Variants in CBFB observed in about 807,000 individuals in gnomAD.
CBFB encodes core-binding factor subunit beta.
In CBFB, 9 loss-of-function variants were observed where a neutral mutation model predicts 30.4. The ratio of observed to expected loss-of-function variants is 0.30; its 90% confidence interval spans 0.18 to 0.52. The LOEUF is 0.52. Among genes scored for constraint, CBFB ranks in the 20% least tolerant of loss-of-function variants. The pLI is 0.97. For synonymous variants in CBFB, 94 were observed against 84.0 expected, an observed-to-expected ratio of 1.12 and a Z score of -0.65; for missense variants, 170 against 244.0, an observed-to-expected ratio of 0.70 and a Z score of 2.02.
At position 67,096,326 on chromosome 16, in the gene CBFB, T is replaced by C. The variant is rs192898937; in HGVS notation, c.496-2384T>C. ...ACTCTGTCTCAAAAAAAAAAAATAATAATAATTAGTTAATTCATGGAAAGT... is the reference window on the plus strand; with the variant it reads ...ACTCTGTCTCAAAAAAAAAAAATAACAATAATTAGTTAATTCATGGAAAGT... On this transcript the variant is annotated intron_variant, in intron 5 of 5. Coordinates refer to ENST00000412916, the MANE Select transcript of CBFB (RefSeq NM_022845.3). Among the ~76,000 whole-genome samples, 252 of 151,762 alleles carry C rather than the reference T, an allele frequency of 1.7e-3. 2 individuals are homozygous for C. The highest frequency in any genetic ancestry group is 5.9e-3 in the African/African-American group (245 of 41,422).
chr16:67,029,877 C>G (rs1966304018), intron 2 of CBFB, 64 bp downstream of exon 2: 4 of 1,100,346 alleles, frequency 3.6e-6, no homozygotes, highest in Non-Finnish European at 3.7e-6. Flanking sequence ...CGGCCCAGGC[C>G]GGTTCCGGAC....
intron 4 of CBFB, among the ~76,000 whole-genome samples, chr16:67,077,553 T>A (rs1597152321): frequency 6.6e-6 from 1 of 152,210 alleles, no homozygotes; most frequent in African/African-American, 2.4e-5. Flanking sequence ...TTCAGCAGAT[T>A]TATTTATTTT....
At chr16:67,063,039 G>A (rs990167282) in intron 3 of CBFB, among the ~76,000 whole-genome samples, 2 of 152,136 alleles carry the variant, frequency 1.3e-5, no homozygotes, top group Non-Finnish European at 2.9e-5. Context: ...TAAGATTAAT[G>A]AAGATTTCTG....
intron 3 of CBFB, among the ~76,000 whole-genome samples, chr16:67,058,467 T>C (rs1371633486): frequency 1.3e-5 from 2 of 152,132 alleles, no homozygotes; most frequent in Non-Finnish European, 2.9e-5. Context: ...TATATTCAGC[T>C]CTTCCTCATT....
chr16:67,059,307 T>C (rs1301893202), intron 3 of CBFB, among the ~76,000 whole-genome samples: 1 of 152,200 alleles, frequency 6.6e-6, no homozygotes, highest in African/African-American at 2.4e-5. Flanking sequence ...ATTTAGCTAC[T>C]TAAGTTTGGT....
chr16:67,075,197 ATGT>A (rs1961353821), intron 4 of CBFB, among the ~76,000 whole-genome samples: 1 of 142,766 alleles, frequency 7.0e-6, no homozygotes, highest in African/African-American at 2.6e-5. Flanking sequence ...CTCAAAAAAA[ATGT>A]GTGTGTGTGT....
intron 5 of CBFB, among the ~76,000 whole-genome samples, chr16:67,086,981 C>G (rs2145777566): frequency 6.6e-6 from 1 of 151,994 alleles, no homozygotes; most frequent in East Asian, 1.9e-4. Flanking sequence ...TGTGTTTTGC[C>G]AGCTGTTCAA....
At chr16:67,093,137 A>G (rs1253175733) in intron 5 of CBFB, among the ~76,000 whole-genome samples, 1 of 152,114 alleles carries the variant, frequency 6.6e-6, no homozygotes, top group Admixed American at 6.6e-5. Flanking sequence ...TTGTAGGGGC[A>G]GGATCTCACT....
intron 2 of CBFB, among the ~76,000 whole-genome samples, chr16:67,035,316 C>G (rs1192312148): frequency 6.6e-6 from 1 of 152,184 alleles, no homozygotes; most frequent in Non-Finnish European, 1.5e-5. Context: ...TACTCCTGAC[C>G]TCAGATGGTC....
intron 5 of CBFB, 130 bp downstream of exon 5, chr16:67,082,438 C>T (rs1462777785): frequency 4.4e-6 from 5 of 1,140,858 alleles, no homozygotes; most frequent in East Asian, 5.0e-5. Context: ...AAAAGTTGTA[C>T]TCTCTGGCTT....
At chr16:67,084,222 C>CTAA (rs1567622874) in intron 5 of CBFB, among the ~76,000 whole-genome samples, 1 of 113,508 alleles carries the variant, frequency 8.8e-6, no homozygotes, top group East Asian at 2.6e-4. Context: ...AAGATAAGAA[C>CTAA]TAATGTGTTT....
At chr16:67,039,168 G>T (rs972879062) in intron 3 of CBFB, among the ~76,000 whole-genome samples, 2 of 152,112 alleles carry the variant, frequency 1.3e-5, no homozygotes, top group Non-Finnish European at 2.9e-5. Flanking sequence ...TACACACTTA[G>T]GCTATCTGGT....
chr16:67,098,203 T>G (rs536853599), intron 5 of CBFB, among the ~76,000 whole-genome samples: 1 of 152,300 alleles, frequency 6.6e-6, no homozygotes, highest in Admixed American at 6.5e-5. Flanking sequence ...TGGTGCGATC[T>G]CAGCTCACGG....
intron 4 of CBFB, among the ~76,000 whole-genome samples, chr16:67,073,114 G>A (rs1286153795): frequency 1.3e-5 from 2 of 152,162 alleles, no homozygotes; most frequent in African/African-American, 4.8e-5. Context: ...TTGAGTGTCT[G>A]TAAACTACGT....
chr16:67,089,053 C>T (rs1961809206), intron 5 of CBFB, among the ~76,000 whole-genome samples: 1 of 152,088 alleles, frequency 6.6e-6, no homozygotes, highest in Non-Finnish European at 1.5e-5. Context: ...TTAGTGTTTT[C>T]TTTTTCTCAT....
intron 4 of CBFB, among the ~76,000 whole-genome samples, chr16:67,067,770 G>T (rs1252975231): frequency 3.9e-5 from 6 of 152,186 alleles, no homozygotes; most frequent in African/African-American, 1.4e-4. Flanking sequence ...CAGGCATATT[G>T]TTTAAAATGA....
chr16:67,070,805 C>G (rs922026091), intron 4 of CBFB, among the ~76,000 whole-genome samples: 1 of 151,508 alleles, frequency 6.6e-6, no homozygotes, highest in East Asian at 1.9e-4. Flanking sequence ...GAGCCGAGAT[C>G]ACACCACTGC....
chr16:67,047,768 C>T (rs2145726718), intron 3 of CBFB, among the ~76,000 whole-genome samples: 1 of 152,198 alleles, frequency 6.6e-6, no homozygotes, highest in African/African-American at 2.4e-5. Context: ...CAGAACATTT[C>T]TTGGCCATTT....
rs77570496 is a variant in CBFB, at chr16:67,068,519, G to A, written c.399+1721G>A. On this transcript the variant is annotated intron_variant, in intron 4 of 5. Coordinates refer to ENST00000412916, the MANE Select transcript of CBFB (RefSeq NM_022845.3). ...AGAGAAAAACTGAGCAGTGACATCA[G>A]AGGCTGTGCACTGCTGTGGAAAACA... 9.0e-4 allele frequency among the ~76,000 whole-genome samples: 137 copies of A among 152,232 alleles called. No homozygotes were observed. In the East Asian group the frequency reaches 0.022, roughly 25 times the overall value.
Sources: gnomAD v4.1 joint callset for allele counts (sites outside exome capture counted in the v4.1 genomes callset) on GRCh38, gnomAD v4.1.1 for gene constraint, MANE v1.5 for transcripts, NCBI Gene and HGNC (gene_info 2026-07-23, HGNC 2026-07-21) for gene names.